GNL3: variants seen among roughly 807,000 people sequenced by gnomAD.
The protein encoded by GNL3 is guanine nucleotide-binding protein-like 3.
A neutral mutation model predicts 70.6 loss-of-function variants in GNL3; 77 were observed. The ratio of observed to expected loss-of-function variants is 1.09; its 90% CI spans 0.91 to 1.32. GNL3 has a LOEUF of 1.32. Ranked by LOEUF, GNL3 falls within the 40% of genes most tolerant of loss-of-function variation. The probability of loss-of-function intolerance (pLI) is 0.00; values close to 1 mark genes in which losing one functional copy is unlikely to be tolerated. For synonymous variants in GNL3, 252 were observed against 216.1 expected (o/e 1.17, Z -1.46); for missense variants, 634 against 644.0 (o/e 0.98, Z 0.17).
At chr3:52,691,489 A>AT in intron 8 of GNL3, 53 bp from the exon 9 acceptor site, 1 of 1,061,248 alleles carries the variant, frequency 9.4e-7, no homozygotes, top group Non-Finnish European at 1.5e-6. Context: ...TGAAAATTTC[A>AT]TAAGTGCCAA....
At position 52,686,171 on chromosome 3, in the gene GNL3, G is replaced by T. The variant is rs538527622; in HGVS notation, c.13+66G>T. Reference sequence around the variant, plus strand: ...TGGAAGTTGCTGCAGCCACCACGACGCTCTTCTACGGCTACGGCTTTGTCT... The same window carrying T: ...TGGAAGTTGCTGCAGCCACCACGACTCTCTTCTACGGCTACGGCTTTGTCT... On this transcript the variant is annotated intron_variant, in intron 1 of 14. Coordinates refer to ENST00000418458, the MANE Select transcript of GNL3 (RefSeq NM_014366.5). 30 of 1,554,668 alleles carry T rather than the reference G, an allele frequency of 1.9e-5. No individual in the cohort carries two copies. In the Admixed American group the frequency reaches 5.0e-4, roughly 26 times the overall value.
intron 1 of GNL3, chr3:52,686,424 A>C: frequency 1.7e-6 from 1 of 574,688 alleles, no homozygotes; most frequent in Non-Finnish European, 3.1e-6. Flanking sequence ...AGACTGGCCC[A>C]GGTGAGAGCT....
Position 52,687,620 on chromosome 3 carries a change from G to A in GNL3, c.324+5G>A, listed in dbSNP as rs2097322261. ...AATGTGGAACCTATGGAAAAGGTAT[G>A]ATTAGGTCTCTTTATGAATGAGAGA... is the stretch of plus-strand genomic sequence containing the variant. On this transcript the variant is annotated splice_donor_5th_base_variant and intron_variant, in intron 4 of 14. Coordinates refer to ENST00000418458, the MANE Select transcript of GNL3 (RefSeq NM_014366.5). 2 of 1,523,584 alleles carry A rather than the reference G, an allele frequency of 1.3e-6. No homozygotes were observed. The highest frequency in any genetic ancestry group is 1.4e-5 in the African/African-American group (1 of 73,182). 94.4% of individuals were successfully genotyped at this position (1,523,584 alleles called of 1,614,324 possible). A position where few individuals can be genotyped will look rare whatever the true frequency, so the allele number is the denominator to read the frequency against.
chr3:52,687,123 G>A (rs1342094754), intron 2 of GNL3, 123 bp from the exon 3 acceptor site: 3 of 790,390 alleles, frequency 3.8e-6, no homozygotes, highest in Non-Finnish European at 6.2e-6. Context: ...TCCAATTAAA[G>A]CTCCATTTTC....
intron 4 of GNL3, chr3:52,687,894 G>A: frequency 3.4e-6 from 2 of 595,334 alleles, no homozygotes; most frequent in Non-Finnish European, 6.0e-6. Context: ...TATTACAGGT[G>A]TGGGCTGTTG....
rs1271249825 is a variant in GNL3 at position 52,694,068 on chromosome 3, A to T, written c.1532A>T (p.Glu511Val). The change falls in exon 14 of 15, where the codon GAG (glutamate) becomes GTG (valine). Residue 511 changes from glutamate (E) to valine (V), a missense_variant. Transcript: ENST00000418458. ...ENSSGMFAAE[E>V]TGEALSEETT... ...AGCTCAGGCATGTTTGCTGCAGAAG[A>T]GACAGGGGAGGCACTGTCTGAGGAG... 6.2e-7 allele frequency: 1 copy of T among 1,613,908 alleles called. No homozygotes were observed. The highest frequency in any genetic ancestry group is 1.3e-5 in the African/African-American group (1 of 74,942).
Position 52,691,053 on chromosome 3 carries a change from A to T in GNL3, c.763A>T (p.Ile255Phe). 1 of 1,614,018 alleles carries T rather than the reference A, an allele frequency of 6.2e-7. No homozygotes were observed. Among genetic ancestry groups the T allele is most frequent in the Non-Finnish European group, 8.5e-7 (1 of 1,179,858 alleles). The part of the protein sequence containing the change: ...GGFQETCSKA[I>F]RVGVIGFPNV... ...TTTTCAGGAAACTTGCAGCAAAGCC[A>T]TTCGGGTTGGAGTAATTGGTGAGTT... Residue 255 changes from isoleucine (I) to phenylalanine (F), a missense_variant, in exon 8 of 15, where the codon ATT becomes TTT. Ile to Phe is a conservative substitution (Grantham distance 21). Transcript: ENST00000418458.
chr3:52,692,631 T>A, intron 9 of GNL3: 1 of 614,262 alleles, frequency 1.6e-6, no homozygotes, highest in Non-Finnish European at 3.1e-6. Flanking sequence ...GGTGGCATAT[T>A]TATAGCAAAG....
intron 3 of GNL3, 39 bp downstream of exon 3, chr3:52,687,422 G>T: frequency 1.2e-6 from 2 of 1,606,300 alleles, no homozygotes; most frequent in East Asian, 4.5e-5. Flanking sequence ...GAGTGGTGTA[G>T]TGTGTTATGT....
intron 8 of GNL3, 119 bp from the exon 9 acceptor site, chr3:52,691,423 A>T (rs553223519): frequency 1.6e-5 from 11 of 699,302 alleles, no homozygotes; most frequent in Non-Finnish European, 2.8e-5. Context: ...AAGTGAAGAC[A>T]CTGAGATCCA....
At chr3:52,690,827 G>A in intron 7 of GNL3, 118 bp from the exon 8 acceptor site, 1 of 1,193,442 alleles carries the variant, frequency 8.4e-7, no homozygotes, top group East Asian at 2.3e-5. Flanking sequence ...TTCAGCCAGA[G>A]ATCATCTGAA....
intron 13 of GNL3, 86 bp from the exon 14 acceptor site, chr3:52,693,951 G>C: frequency 4.5e-6 from 6 of 1,324,618 alleles, no homozygotes; most frequent in Non-Finnish European, 6.5e-6. Flanking sequence ...TACCTCCAAA[G>C]AGTTAATTTT....
chr3:52,691,105 G>T (rs780433777), intron 8 of GNL3, 34 bp downstream of exon 8: 2 of 1,594,304 alleles, frequency 1.3e-6, no homozygotes, highest in African/African-American at 2.7e-5. Context: ...TACTTTTTAA[G>T]TGTTGAAATA....
At chr3:52,687,413 A>G in intron 3 of GNL3, 30 bp downstream of exon 3, 5 of 1,610,362 alleles carry the variant, frequency 3.1e-6, no homozygotes, top group Non-Finnish European at 3.4e-6. Context: ...ATTTTCATTG[A>G]GTGGTGTAGT....
chr3:52,693,169 T>C lies in GNL3; in HGVS notation c.1045-18T>C. On this transcript the variant is annotated intron_variant, in intron 10 of 14. Transcript: ENST00000418458. Reference sequence around the variant, plus strand: ...TGTCAGATGAAGGACAGCTCCTTTGTTTGGTTTTTTTTTTAAGGTAGTACT... The same window carrying C: ...TGTCAGATGAAGGACAGCTCCTTTGCTTGGTTTTTTTTTTAAGGTAGTACT... 1 of 1,592,852 alleles carries C rather than the reference T, an allele frequency of 6.3e-7. No individual in the cohort carries two copies. Among genetic ancestry groups the C allele is most frequent in the Non-Finnish European group, 8.5e-7 (1 of 1,173,640 alleles).
intron 4 of GNL3, chr3:52,687,878 T>A: frequency 5.1e-6 from 3 of 591,600 alleles, no homozygotes; most frequent in Non-Finnish European, 9.0e-6. Context: ...CTCCCGAAGT[T>A]TCTGGTATTA....
At position 52,691,528 on chromosome 3, in the gene GNL3, CCATT is replaced by C; in HGVS notation, c.782-13_782-10del. 6.9e-7 allele frequency: 1 copy of C among 1,446,530 alleles called. No homozygotes were observed. Among genetic ancestry groups the C allele is most frequent in the Non-Finnish European group, 9.7e-7 (1 of 1,031,440 alleles). 89.6% of individuals were successfully genotyped at this position (1,446,530 alleles called of 1,614,324 possible). A position where few individuals can be genotyped will look rare whatever the true frequency, so the allele number is the denominator to read the frequency against. Reference sequence around the variant, plus strand: ...ATAATGCTTTTTATATCTGGATTTCCCATTTATTTGTAGGTTTCCCAAATGTGGG... The same window carrying C: ...ATAATGCTTTTTATATCTGGATTTCCTATTTGTAGGTTTCCCAAATGTGGG... On this transcript the variant is annotated splice_polypyrimidine_tract_variant and intron_variant, in intron 8 of 14. Transcript: ENST00000418458.
At chr3:52,688,592 G>T (rs770276182) in intron 5 of GNL3, among the ~76,000 whole-genome samples, 3 of 152,146 alleles carry the variant, frequency 2.0e-5, no homozygotes, top group Non-Finnish European at 2.9e-5. Context: ...ATTGAGAAAG[G>T]TACATTGGAG....
chr3:52,687,565 CTTG>C lies in GNL3; in HGVS notation c.275_277del (p.Leu92_Glu93delinsGln). 2.5e-6 allele frequency: 4 copies of C among 1,612,912 alleles called. No individual in the cohort carries two copies. The highest frequency in any genetic ancestry group is 3.4e-6 in the Non-Finnish European group (4 of 1,178,888). On this transcript the variant is annotated inframe_deletion, in exon 4 of 15. Transcript: ENST00000418458. Reference sequence around the variant, plus strand: ...GAAGGAACTAGAAAAGAAAAGAAAACTTGAAACTAATCCTGATATTAAGCCATC... The same window carrying C: ...GAAGGAACTAGAAAAGAAAAGAAAACAAACTAATCCTGATATTAAGCCATC...
Sources: allele counts gnomAD v4.1 joint callset (sites outside exome capture counted in the v4.1 genomes callset), GRCh38; gene constraint gnomAD v4.1.1; transcripts MANE v1.5; gene names NCBI Gene and HGNC (gene_info 2026-07-23, HGNC 2026-07-21).